Variants in CALD1 observed in about 807,000 individuals in gnomAD.
CALD1 encodes caldesmon 1, also known as caldesmon.
In CALD1, 33 loss-of-function variants were observed where a neutral mutation model predicts 99.9. The observed-to-expected ratio is 0.33, with a 90% CI of 0.25 to 0.44. CALD1 has a LOEUF of 0.44. CALD1 is among the 20% of genes least tolerant of loss of function. CALD1 has a pLI of 1.00. For synonymous variants in CALD1, 310 were observed against 325.0 expected (o/e 0.95, Z 0.50); for missense variants, 861 against 962.1 (o/e 0.89, Z 1.39).
At chr7:134,822,868 C>T (rs112262388) in intron 1 of CALD1, among the ~76,000 whole-genome samples, 2,505 of 152,290 alleles carry the variant, frequency 0.016, 29 homozygotes, top group Non-Finnish European at 0.027. Context: ...CTGGCTAGAT[C>T]ATGTGTTCCT....
intron 1 of CALD1, among the ~76,000 whole-genome samples, chr7:134,797,709 C>T (rs548699552): frequency 6.6e-6 from 1 of 152,296 alleles, no homozygotes; most frequent in African/African-American, 2.4e-5. Flanking sequence ...TTTCCTGCCT[C>T]AGCCTCCCGA....
chr7:134,855,961 G>C (rs1445594075), intron 2 of CALD1, among the ~76,000 whole-genome samples: 1 of 152,194 alleles, frequency 6.6e-6, no homozygotes, highest in African/African-American at 2.4e-5. Flanking sequence ...ATTGTCAGAA[G>C]TAGAAAGCTG....
intron 3 of CALD1, among the ~76,000 whole-genome samples, chr7:134,918,917 A>G (rs540894381): frequency 6.6e-6 from 1 of 152,194 alleles, no homozygotes; most frequent in Non-Finnish European, 1.5e-5. Flanking sequence ...GATCACATGA[A>G]TGAACCCAGG....
At chr7:134,955,323 G>A (rs1807681920) in intron 9 of CALD1, among the ~76,000 whole-genome samples, 2 of 152,204 alleles carry the variant, frequency 1.3e-5, no homozygotes, top group Admixed American at 1.3e-4. Flanking sequence ...GGGAGGTGGA[G>A]ATTGCAGTGA....
At chr7:134,966,390 G>A (rs1808684023) in intron 14 of CALD1, among the ~76,000 whole-genome samples, 2 of 152,146 alleles carry the variant, frequency 1.3e-5, no homozygotes, top group Non-Finnish European at 2.9e-5. Context: ...CTAAGTCATT[G>A]CTAAACATAT....
At chr7:134,921,846 A>G (rs562676344) in intron 3 of CALD1, among the ~76,000 whole-genome samples, 2 of 152,204 alleles carry the variant, frequency 1.3e-5, no homozygotes, top group Non-Finnish European at 2.9e-5. Flanking sequence ...TTAAATTTTA[A>G]ATTTAAGTGA....
chr7:134,864,021 C>A (rs978568512), intron 2 of CALD1, among the ~76,000 whole-genome samples: 17 of 152,276 alleles, frequency 1.1e-4, no homozygotes, highest in African/African-American at 3.9e-4. Context: ...TCACATCATG[C>A]CAATCCCCTG....
intron 1 of CALD1, among the ~76,000 whole-genome samples, chr7:134,819,974 T>C (rs1798710405): frequency 1.3e-5 from 2 of 152,324 alleles, no homozygotes; most frequent in South Asian, 4.1e-4. Context: ...TAAATGTATA[T>C]GCTAAAAGAG....
At chr7:134,874,946 C>G (rs150783685) in intron 3 of CALD1, among the ~76,000 whole-genome samples, 21 of 152,310 alleles carry the variant, frequency 1.4e-4, no homozygotes, top group African/African-American at 4.8e-4. Context: ...CCCTCACACA[C>G]GCAAACCCAA....
chr7:134,818,350 T>C (rs1798636909), intron 1 of CALD1, among the ~76,000 whole-genome samples: 1 of 152,224 alleles, frequency 6.6e-6, no homozygotes, highest in Non-Finnish European at 1.5e-5. Context: ...CAGTGTGCTT[T>C]CTTCTTAGGT....
chr7:134,733,037 T>A, the CALD1 span, among the ~76,000 whole-genome samples: 1 of 152,220 alleles, frequency 6.6e-6, no homozygotes, highest in Non-Finnish European at 1.5e-5. Context: ...CTGTTACACA[T>A]CTCACTCCTA....
chr7:134,900,891 C>A (rs1163002868), intron 3 of CALD1, among the ~76,000 whole-genome samples: 1 of 151,946 alleles, frequency 6.6e-6, no homozygotes, highest in African/African-American at 2.4e-5. Context: ...CTGATAGACG[C>A]CAGGGTGAAA....
intron 13 of CALD1, chr7:134,963,060 G>A: frequency 2.7e-6 from 1 of 364,978 alleles, no homozygotes; most frequent in Non-Finnish European, 5.4e-6. Context: ...AGGATTTATG[G>A]GAAGTGCAAT....
upstream of CALD1, among the ~76,000 whole-genome samples, chr7:134,743,734 G>C (rs1246790341): frequency 6.6e-6 from 1 of 152,184 alleles, no homozygotes. Flanking sequence ...AGTGTCTGTA[G>C]TCTAACTTCT....
At chr7:134,822,181 G>A (rs1223845232) in intron 1 of CALD1, 2 of 152,122 alleles carry the variant, frequency 1.3e-5, no homozygotes, top group Non-Finnish European at 2.9e-5. Flanking sequence ...TCTTGGGCAC[G>A]AGACTGCTTG....
chr7:134,970,114 T>C lies in CALD1; in HGVS notation c.*1769T>C, dbSNP rs2244697. On this transcript the variant is annotated 3_prime_UTR_variant, in exon 15 of 15. Transcript: ENST00000361675. Reference sequence around the variant, plus strand: ...ACCTAAGCCAAAGGAAGGAAAGCCATGAAGAATGCAGAAGTCAAACCCTCA... The same window carrying C: ...ACCTAAGCCAAAGGAAGGAAAGCCACGAAGAATGCAGAAGTCAAACCCTCA... 0.97 allele frequency: 147,067 copies of C among 152,370 alleles called. 71,028 individuals carry two copies. Among genetic ancestry groups the C allele is most frequent in the East Asian group, 1 (5,182 of 5,184 alleles). The allele number at this position is 152,370 out of a possible 1,614,324, so 9.4% of individuals were successfully genotyped here.
At chr7:134,800,420 A>C (rs1797898891) in intron 1 of CALD1, among the ~76,000 whole-genome samples, 2 of 152,024 alleles carry the variant, frequency 1.3e-5, no homozygotes, top group African/African-American at 4.8e-5. Context: ...TTCTTATAAA[A>C]TTTCTCCTTA....
chr7:134,847,146 G>T lies in CALD1; in HGVS notation c.-42+3175G>T, dbSNP rs146861009. On this transcript the variant is annotated intron_variant, in intron 2 of 14. Transcript: ENST00000361675. ...CTTCGAAGGCTTTGCCCTTGTTTTC[G>T]AATGGGAGATTTTATAACCACTGTG... Among the ~76,000 whole-genome samples the T allele has an allele frequency of 2.0e-5, 3 of 152,154 alleles. No homozygotes were observed. The South Asian group carries it at 6.2e-4, about 32-fold the overall frequency.
At chr7:134,731,347 C>A in the CALD1 span, among the ~76,000 whole-genome samples, 1 of 152,154 alleles carries the variant, frequency 6.6e-6, no homozygotes, top group Non-Finnish European at 1.5e-5. Context: ...TTCTCTTCAC[C>A]GTCTTTCAAA....
Sources: gnomAD v4.1 joint callset for allele counts (sites outside exome capture counted in the v4.1 genomes callset) on GRCh38, gnomAD v4.1.1 for gene constraint, MANE v1.5 for transcripts, NCBI Gene and HGNC (gene_info 2026-07-23, HGNC 2026-07-21) for gene names.